Variants in MYLK3 observed in about 807,000 individuals in gnomAD.
The protein encoded by MYLK3 is myosin light chain kinase 3.
In MYLK3, 55 loss-of-function variants were observed where a neutral mutation model predicts 76.3. The ratio of observed to expected loss-of-function variants is 0.72; its 90% CI spans 0.58 to 0.90. The LOEUF (loss-of-function observed/expected upper bound fraction) is 0.90, where lower values mean the gene tolerates loss of function less well. Among genes scored for constraint, MYLK3 ranks in the 40% least tolerant of loss-of-function variants. The probability of loss-of-function intolerance (pLI) is 0.00; values close to 1 mark genes in which losing one functional copy is unlikely to be tolerated. For synonymous variants in MYLK3, 416 were observed against 425.4 expected (o/e 0.98, Z 0.27); for missense variants, 973 against 1,053.6 (o/e 0.92, Z 1.06).
At chr16:46,723,459 G>A (rs1202861815) in intron 8 of MYLK3, among the ~76,000 whole-genome samples, 1 of 152,144 alleles carries the variant, frequency 6.6e-6, no homozygotes, top group African/African-American at 2.4e-5. Context: ...AAACATTTGT[G>A]TGCAAGTTTT....
upstream of MYLK3, chr16:46,748,390 A>G (rs1967068224): frequency 9.7e-7 from 1 of 1,032,490 alleles, no homozygotes; most frequent in African/African-American, 1.6e-5. This position sits in a 1 kb window ranked among gnomAD's most constrained non-coding sequence, Gnocchi z 4.3. Context: ...TGCTTTGCTT[A>G]TCTCCCACCC....
intron 8 of MYLK3, 85 bp from the exon 9 acceptor site, chr16:46,721,278 C>T (rs1009572392): frequency 7.5e-7 from 1 of 1,330,510 alleles, no homozygotes; most frequent in Non-Finnish European, 1.1e-6. Context: ...CTCTGTTTTC[C>T]AGCCTTCAAG....
chr16:46,721,655 A>T (rs1567283452), intron 8 of MYLK3, among the ~76,000 whole-genome samples: 1 of 152,216 alleles, frequency 6.6e-6, no homozygotes, highest in Non-Finnish European at 1.5e-5. Flanking sequence ...GGCGTGAGCC[A>T]CCATGTCCAG....
At chr16:46,751,862 C>T (rs1275655801), upstream of MYLK3, among the ~76,000 whole-genome samples, 3 of 152,150 alleles carry the variant, frequency 2.0e-5, no homozygotes, top group African/African-American at 7.2e-5. Flanking sequence ...GAGTTTGGAG[C>T]ACATGGATTT....
intron 4 of MYLK3, among the ~76,000 whole-genome samples, chr16:46,730,980 A>G (rs117479788): frequency 0.032 from 4,805 of 152,300 alleles, 112 homozygotes; most frequent in Middle Eastern, 0.071. Flanking sequence ...CTAGAAGGTG[A>G]TCCTAGTGGA....
chr16:46,723,000 C>T (rs1966814616), intron 8 of MYLK3, among the ~76,000 whole-genome samples: 1 of 152,216 alleles, frequency 6.6e-6, no homozygotes, highest in African/African-American at 2.4e-5. Context: ...GCATGAGCCC[C>T]TCACCATTTT....
intron 8 of MYLK3, among the ~76,000 whole-genome samples, chr16:46,723,403 T>C (rs771023593): frequency 1.2e-4 from 18 of 152,230 alleles, no homozygotes; most frequent in Non-Finnish European, 2.5e-4. Context: ...AATTAATGAA[T>C]ATCTGGGTTG....
intron 3 of MYLK3, among the ~76,000 whole-genome samples, chr16:46,735,637 G>A (rs1239780101): frequency 6.6e-6 from 1 of 152,208 alleles, no homozygotes; most frequent in Non-Finnish European, 1.5e-5. Context: ...CACTGGGTGG[G>A]AGGTAGAAAT....
At chr16:46,757,906 C>T (rs1967221277) in intron 1 of MYLK3, among the ~76,000 whole-genome samples, 1 of 152,194 alleles carries the variant, frequency 6.6e-6, no homozygotes, top group South Asian at 2.1e-4. Flanking sequence ...TGTGCAGGGA[C>T]TCCTTGCATT....
At chr16:46,747,455 C>T (rs1225470245) in intron 1 of MYLK3, among the ~76,000 whole-genome samples, 2 of 152,246 alleles carry the variant, frequency 1.3e-5, no homozygotes, top group Non-Finnish European at 2.9e-5. Context: ...GTGTCCCCCA[C>T]AGCTAGGTTC....
In MYLK3 at chr16:46,759,898, G is replaced by A. The variant is rs534000248; in HGVS notation, c.-114+3142C>T. 5.5e-3 allele frequency among the ~76,000 whole-genome samples: 843 copies of A among 152,310 alleles called. 6 individuals carry two copies. The highest frequency in any genetic ancestry group is 0.01 in the Middle Eastern group (3 of 294). ...TCCACCCTCCTTGGCATCCCAAAGT[G>A]CGGGATTACAGGCGTTAGCCACCAC... is the stretch of plus-strand genomic sequence containing the variant. On this transcript the variant is annotated intron_variant, in intron 1 of 11. Transcript: ENST00000536476.
chr16:46,711,405 C>T (rs564146648), intron 10 of MYLK3, among the ~76,000 whole-genome samples: 2 of 152,280 alleles, frequency 1.3e-5, no homozygotes, highest in South Asian at 4.1e-4. Context: ...CACAGCCAGA[C>T]AGAGAAGAAA....
At chr16:46,738,928 C>T (rs1031970630) in intron 2 of MYLK3, among the ~76,000 whole-genome samples, 1 of 152,194 alleles carries the variant, frequency 6.6e-6, no homozygotes, top group African/African-American at 2.4e-5. Context: ...GCAACCTCCA[C>T]CTCCCTGGTC....
At chr16:46,742,102 G>A (rs908410226) in intron 1 of MYLK3, among the ~76,000 whole-genome samples, 1 of 152,074 alleles carries the variant, frequency 6.6e-6, no homozygotes, top group Non-Finnish European at 1.5e-5. Context: ...ATGGTGACAT[G>A]GATGGAAACA....
chr16:46,711,844 G>T (rs1022362868), intron 10 of MYLK3: 6 of 195,434 alleles, frequency 3.1e-5, no homozygotes, highest in Non-Finnish European at 5.5e-5. Flanking sequence ...CTCTCAGGGG[G>T]TATTCCATGA....
upstream of MYLK3, among the ~76,000 whole-genome samples, chr16:46,752,312 T>C (rs1967136516): frequency 6.6e-6 from 1 of 152,114 alleles, no homozygotes; most frequent in African/African-American, 2.4e-5. Context: ...CACAGCTCAC[T>C]GCAACTGGAA....
At chr16:46,746,610 A>G (rs1967028919) in intron 1 of MYLK3, among the ~76,000 whole-genome samples, 1 of 152,138 alleles carries the variant, frequency 6.6e-6, no homozygotes, top group Non-Finnish European at 1.5e-5. Context: ...TTTTTTGTAG[A>G]GACGGGGTCT....
At chr16:46,726,120 G>A (rs1223707991) in intron 8 of MYLK3, 2 of 152,128 alleles carry the variant, frequency 1.3e-5, no homozygotes, top group African/African-American at 4.8e-5. Context: ...TGCTTTGTCA[G>A]TCAGTTGGCT....
At chr16:46,737,663 G>T in intron 3 of MYLK3, 48 bp downstream of exon 3, 1 of 1,531,800 alleles carries the variant, frequency 6.5e-7, no homozygotes, top group Non-Finnish European at 8.8e-7. Flanking sequence ...CCAGCGAGGG[G>T]CCACAGTCCA....
Sources: gnomAD v4.1 joint callset for allele counts (sites outside exome capture counted in the v4.1 genomes callset) on GRCh38, gnomAD v4.1.1 for gene constraint, Gnocchi (gnomAD v3.1) non-coding constraint, MANE v1.5 for transcripts, NCBI Gene and HGNC (gene_info 2026-07-23, HGNC 2026-07-21) for gene names.